GYPE: variants seen among roughly 807,000 people sequenced by gnomAD.
The protein encoded by GYPE is glycophorin-E.
GYPE carries 8 observed loss-of-function variants against 11.6 expected under a neutral mutation model. The ratio of observed to expected loss-of-function variants is 0.69; its 90% CI spans 0.41 to 1.25. The LOEUF (loss-of-function observed/expected upper bound fraction) is 1.25, where lower values mean the gene tolerates loss of function less well. GYPE is among the 50% of genes most tolerant of loss of function. The pLI is 0.01. For synonymous variants in GYPE, 28 were observed against 29.6 expected (o/e 0.94, Z 0.18); for missense variants, 90 against 92.8 (o/e 0.97, Z 0.12).
chr4:143,882,043 G>A (rs1393892524), intron 1 of GYPE, among the ~76,000 whole-genome samples: 3 of 152,108 alleles, frequency 2.0e-5, no homozygotes, highest in Non-Finnish European at 4.4e-5. Context: ...AAATCATGGA[G>A]AAGACATGAT....
At chr4:143,892,483 G>T (rs2149912202) in intron 1 of GYPE, among the ~76,000 whole-genome samples, 1 of 151,838 alleles carries the variant, frequency 6.6e-6, no homozygotes, top group South Asian at 2.1e-4. Context: ...AGCTTTGAAT[G>T]TGTCCCAGAG....
chr4:143,882,595 G>A (rs927636297), intron 1 of GYPE, among the ~76,000 whole-genome samples: 3 of 152,190 alleles, frequency 2.0e-5, no homozygotes, highest in South Asian at 2.1e-4. Flanking sequence ...AAATGGGCAT[G>A]TAACAATAAA....
chr4:143,893,430 A>C (rs1451565628), intron 1 of GYPE, among the ~76,000 whole-genome samples: 2 of 149,912 alleles, frequency 1.3e-5, no homozygotes, highest in Non-Finnish European at 3.0e-5. Flanking sequence ...TTTTGGCATG[A>C]TTTTGCAGCG....
chr4:143,880,495 A>C lies in GYPE; in HGVS notation c.52T>G (p.Ser18Ala), dbSNP rs1308957923. 1.9e-6 allele frequency: 3 copies of C among 1,614,010 alleles called. No individual in the cohort carries two copies. Among genetic ancestry groups the C allele is most frequent in the Non-Finnish European group, 2.5e-6 (3 of 1,179,848 alleles). ...GCCACACCAGTGGTACTTGATGCTG[A>C]TATGCTCACAATTCCTGTATAAAAT... is the stretch of plus-strand genomic sequence containing the variant. ...VLLLSGIVSI[S>A]ASSTTGVAMH... is the part of the protein sequence containing the mutation. Residue 18 changes from serine to alanine, a missense_variant, in exon 2 of 4, where the codon TCA becomes GCA. By Grantham distance (99) the Ser-to-Ala change is moderately conservative (BLOSUM62 1). Coordinates refer to ENST00000358615, the MANE Select transcript of GYPE (RefSeq NM_198682.3).
chr4:143,883,741 C>A (rs1287135194), intron 1 of GYPE, among the ~76,000 whole-genome samples: 1 of 149,610 alleles, frequency 6.7e-6, no homozygotes, highest in Non-Finnish European at 1.5e-5. Flanking sequence ...AGAATGAATG[C>A]AAGCATCTGG....
At chr4:143,872,611 A>G (rs1196952951) in intron 3 of GYPE, among the ~76,000 whole-genome samples, 1 of 152,094 alleles carries the variant, frequency 6.6e-6, no homozygotes, top group Non-Finnish European at 1.5e-5. Context: ...TATTTCATTC[A>G]ATGAAATTTT....
In GYPE at chr4:143,905,354, G is replaced by A. The variant is rs1578986448; in HGVS notation, c.37+117C>T. ...AAAATCCATCCACCAGACTGGAAGA[G>A]GAAATACTACTCATTTATGCATTTA... is the stretch of plus-strand genomic sequence containing the variant. On this transcript the variant is annotated intron_variant, in intron 1 of 3. Coordinates refer to ENST00000358615, the MANE Select transcript of GYPE (RefSeq NM_198682.3). 4.0e-6 allele frequency: 6 copies of A among 1,509,544 alleles called. No homozygotes were observed. The East Asian group carries it at 1.4e-4, about 36-fold the overall frequency. The allele number at this position is 1,509,544 out of a possible 1,614,324, so 93.5% of individuals were successfully genotyped here.
intron 2 of GYPE, among the ~76,000 whole-genome samples, chr4:143,879,728 G>C (rs187384371): frequency 6.6e-6 from 1 of 152,138 alleles, no homozygotes; most frequent in African/African-American, 2.4e-5. Flanking sequence ...GTTGAGAAAG[G>C]GAACAAGAAT....
chr4:143,896,806 A>G (rs1370591367), intron 1 of GYPE, among the ~76,000 whole-genome samples: 7 of 152,182 alleles, frequency 4.6e-5, no homozygotes, highest in African/African-American at 1.7e-4. Context: ...GCACATATAC[A>G]CCATGGAATA....
chr4:143,878,298 A>C (rs562248907), intron 2 of GYPE, among the ~76,000 whole-genome samples: 1 of 152,022 alleles, frequency 6.6e-6, no homozygotes, highest in South Asian at 2.1e-4. Flanking sequence ...GCCCCATCCC[A>C]GTTAATTTTT....
In GYPE at chr4:143,877,497, T is replaced by G. The variant is rs967961096; in HGVS notation, c.137-642A>C. On this transcript the variant is annotated intron_variant, in intron 2 of 3. Transcript: ENST00000358615. Reference sequence around the variant, plus strand: ...TGTTAAGTCATTTGTATGTTGGGAATGAAACAACTTAAATCAAGTAAGAGA... The same window carrying G: ...TGTTAAGTCATTTGTATGTTGGGAAGGAAACAACTTAAATCAAGTAAGAGA... 2.6e-4 allele frequency among the ~76,000 whole-genome samples: 39 copies of G among 152,200 alleles called. 1 individual carries two copies. The highest frequency in any genetic ancestry group is 9.2e-4 in the African/African-American group (38 of 41,442).
At chr4:143,883,662 TTTA>T (rs1744142007) in intron 1 of GYPE, among the ~76,000 whole-genome samples, 1 of 147,206 alleles carries the variant, frequency 6.8e-6, no homozygotes, top group Non-Finnish European at 1.5e-5. Context: ...TATAAATTAA[TTTA>T]TAATTAATAA....
At chr4:143,890,534 C>T (rs557812963) in intron 1 of GYPE, among the ~76,000 whole-genome samples, 67 of 152,320 alleles carry the variant, frequency 4.4e-4, no homozygotes, top group African/African-American at 1.5e-3. Context: ...AGTTTGTTCT[C>T]ATCCTTGACT....
At chr4:143,903,524 CAAAAAAA>C (rs11400558) in intron 1 of GYPE, among the ~76,000 whole-genome samples, 4 of 98,864 alleles carry the variant, frequency 4.0e-5, no homozygotes, top group South Asian at 8.7e-4. Flanking sequence ...TTTTTCATAG[CAAAAAAA>C]AAAAAAAAAA....
In GYPE at chr4:143,871,261, G is replaced by T. The variant is rs369692949; in HGVS notation, c.*1001C>A. The T allele has an allele frequency of 6.6e-6, 1 of 152,142 alleles. No homozygotes were observed. Among genetic ancestry groups the T allele is most frequent in the East Asian group, 1.9e-4 (1 of 5,164 alleles). 9.4% of individuals were successfully genotyped at this position (152,142 alleles called of 1,614,324 possible). ...ATTCTTCCACAGAGAGGGACCCATA[G>T]TCATTACCTTCAAGGAACCTAAATC... is the stretch of plus-strand genomic sequence containing the variant. On this transcript the variant is annotated 3_prime_UTR_variant, in exon 4 of 4. Transcript: ENST00000358615.
intron 1 of GYPE, among the ~76,000 whole-genome samples, chr4:143,889,397 G>A (rs558853806): frequency 3.6e-4 from 55 of 152,202 alleles, no homozygotes; most frequent in African/African-American, 1.3e-3. Flanking sequence ...GGAAAGGAGA[G>A]CAGAGTTCTA....
chr4:143,874,382 C>G (rs1282349030), intron 3 of GYPE, among the ~76,000 whole-genome samples: 1 of 152,138 alleles, frequency 6.6e-6, no homozygotes, highest in African/African-American at 2.4e-5. Flanking sequence ...TCCTTGTCAT[C>G]AGACCTACCA....
chr4:143,896,923 C>T (rs1376468293), intron 1 of GYPE, among the ~76,000 whole-genome samples: 4 of 151,666 alleles, frequency 2.6e-5, no homozygotes, highest in Non-Finnish European at 4.4e-5. Flanking sequence ...AACCAAACAC[C>T]GCATGTTCTC....
intron 2 of GYPE, among the ~76,000 whole-genome samples, chr4:143,879,749 C>T (rs1186144157): frequency 1.3e-5 from 2 of 152,128 alleles, no homozygotes; most frequent in South Asian, 2.1e-4. Flanking sequence ...GAGGTGACTG[C>T]GTGGACATAA....
Sources: allele counts gnomAD v4.1 joint callset (sites outside exome capture counted in the v4.1 genomes callset), GRCh38; gene constraint gnomAD v4.1.1; transcripts MANE v1.5; gene names NCBI Gene and HGNC (gene_info 2026-07-23, HGNC 2026-07-21).